Variants in PANK3 observed in about 807,000 individuals in gnomAD.
PANK3 encodes pantothenate kinase 3, also known as hPanK3.
Under a neutral mutation model 39.4 loss-of-function variants are expected in PANK3, and 20 were observed. The observed-to-expected ratio is 0.51, with a 90% CI of 0.36 to 0.74. The LOEUF is 0.74. Among genes scored for constraint, PANK3 ranks in the 30% least tolerant of loss-of-function variants. The pLI, the probability that PANK3 is intolerant of heterozygous loss-of-function variation, is 0.00. For synonymous variants in PANK3, 140 were observed against 157.3 expected, an observed-to-expected ratio of 0.89 and a Z score of 0.82; for missense variants, 265 against 437.0, an observed-to-expected ratio of 0.61 and a Z score of 3.51.
intron 2 of PANK3, among the ~76,000 whole-genome samples, chr5:168,566,795 G>A (rs1759542485): frequency 6.6e-6 from 1 of 152,204 alleles, no homozygotes; most frequent in Admixed American, 6.5e-5. Flanking sequence ...TCAGGCTGGA[G>A]TACAGTGGCA....
At chr5:168,557,820 TTTTA>T (rs986342916) in intron 6 of PANK3, among the ~76,000 whole-genome samples, 199 bp from the exon 7 acceptor site, 1 of 152,238 alleles carries the variant, frequency 6.6e-6, no homozygotes, top group Admixed American at 6.5e-5. Context: ...AAATATGTAT[TTTTA>T]TTTATTATTA....
chr5:168,567,752 T>C (rs1385237032), intron 2 of PANK3, among the ~76,000 whole-genome samples: 1 of 152,128 alleles, frequency 6.6e-6, no homozygotes, highest in East Asian at 1.9e-4. Flanking sequence ...CTTGAGTGGC[T>C]GGGACTACAA....
intron 4 of PANK3, among the ~76,000 whole-genome samples, chr5:168,562,069 A>G (rs1349214165): frequency 6.6e-6 from 1 of 152,218 alleles, no homozygotes; most frequent in Non-Finnish European, 1.5e-5. Flanking sequence ...TTAAGCCAAT[A>G]TATCCAAATA....
Position 168,553,349 on chromosome 5 carries a change from G to C in PANK3, c.*4222C>G. 1 of 508,174 alleles carries C rather than the reference G, an allele frequency of 2.0e-6. No homozygotes were observed. The highest frequency in any genetic ancestry group is 4.0e-6 in the Non-Finnish European group (1 of 252,858). The allele number at this position is 508,174 out of a possible 1,614,324, so 31.5% of individuals were successfully genotyped here. A position where few individuals can be genotyped will look rare whatever the true frequency, so the allele number is the denominator to read the frequency against. Reference sequence around the variant, plus strand: ...CCGCATTACAAGCCAGTAATCTAGTGGCCCAGGATCAGCATTTCAACCAAC... The same window carrying C: ...CCGCATTACAAGCCAGTAATCTAGTCGCCCAGGATCAGCATTTCAACCAAC... On this transcript the variant is annotated 3_prime_UTR_variant, in exon 7 of 7. Transcript: ENST00000239231.
In PANK3 at chr5:168,558,290, C is replaced by T. The variant is rs180893420; in HGVS notation, c.1063-669G>A. On this transcript the variant is annotated intron_variant, in intron 6 of 6. Transcript: ENST00000239231. ...ATTCTCCTGCCTCAGCCTCCCGAGT[C>T]GCTGGGATTACAGGCGCCCGCCACC... Among the ~76,000 whole-genome samples, 757 of 151,724 alleles carry T rather than the reference C, an allele frequency of 5.0e-3. 6 individuals are homozygous for T. Among genetic ancestry groups the T allele is most frequent in the African/African-American group, 0.017 (717 of 41,384 alleles).
intron 5 of PANK3, 26 bp downstream of exon 5, chr5:168,561,361 TAATTCA>T: frequency 1.3e-6 from 2 of 1,548,844 alleles, no homozygotes; most frequent in Non-Finnish European, 1.7e-6. Flanking sequence ...ACATTTTTGA[TAATTCA>T]AGTTTTGTGT....
rs1176705881 is a variant in PANK3, at chr5:168,548,717, G to A, written c.*8854C>T. ...GAATACGGGAATGTTTACAGAATGCGCCATGGCAAACATTTTTCAAATTTA... is the reference window on the plus strand; with the variant it reads ...GAATACGGGAATGTTTACAGAATGCACCATGGCAAACATTTTTCAAATTTA... On this transcript the variant is annotated 3_prime_UTR_variant, in exon 7 of 7. Transcript: ENST00000239231. 4 of 152,170 alleles carry A rather than the reference G, an allele frequency of 2.6e-5. No homozygotes were observed. Among genetic ancestry groups the A allele is most frequent in the East Asian group, 1.9e-4 (1 of 5,186 alleles). 9.4% of individuals were successfully genotyped at this position (152,170 alleles called of 1,614,324 possible).
intron 3 of PANK3, among the ~76,000 whole-genome samples, chr5:168,564,558 G>A (rs1023267475): frequency 1.3e-5 from 2 of 151,918 alleles, no homozygotes; most frequent in South Asian, 2.1e-4. Flanking sequence ...TCCAGCCTCC[G>A]CAGCAGCTAG....
In PANK3 at chr5:168,550,512, C is replaced by T. The variant is rs1759260182; in HGVS notation, c.*7059G>A. The T allele has an allele frequency of 6.6e-6, 1 of 152,088 alleles. No individual in the cohort carries two copies. Among genetic ancestry groups the T allele is most frequent in the Non-Finnish European group, 1.5e-5 (1 of 67,970 alleles). The allele number at this position is 152,088 out of a possible 1,614,324, so 9.4% of individuals were successfully genotyped here. ...GATAACCTTTACAGATTTAAAAGTA[C>T]AAACATTTTAATATACATATAAAAC... On this transcript the variant is annotated 3_prime_UTR_variant, in exon 7 of 7. Transcript: ENST00000239231.
At chr5:168,570,309 C>T (rs1258347291) in intron 1 of PANK3, among the ~76,000 whole-genome samples, 4 of 150,110 alleles carry the variant, frequency 2.7e-5, no homozygotes, top group East Asian at 4.0e-4. Context: ...GGCGTGAACC[C>T]GGGAGGTGGA....
intron 1 of PANK3, among the ~76,000 whole-genome samples, chr5:168,571,510 C>T (rs947514607): frequency 6.6e-6 from 1 of 152,130 alleles, no homozygotes; most frequent in Non-Finnish European, 1.5e-5. Flanking sequence ...TATTTCTATT[C>T]TCTAGGATCT....
intron 5 of PANK3, 96 bp downstream of exon 5, chr5:168,561,297 G>T: frequency 9.1e-7 from 1 of 1,094,632 alleles, no homozygotes; most frequent in Non-Finnish European, 1.3e-6. Context: ...AATCCCAGAG[G>T]CCTCCTTAGG....
intron 2 of PANK3, among the ~76,000 whole-genome samples, chr5:168,567,553 C>G (rs1200451094): frequency 3.9e-5 from 6 of 152,186 alleles, no homozygotes; most frequent in Non-Finnish European, 7.3e-5. Context: ...CAAGGCACCT[C>G]TTTTCATACA....
chr5:168,568,211 T>C (rs1366217472), intron 2 of PANK3, among the ~76,000 whole-genome samples: 5 of 152,206 alleles, frequency 3.3e-5, no homozygotes, highest in Admixed American at 2.6e-4. Flanking sequence ...GTGTCCATTA[T>C]ACTAACCAAA....
chr5:168,574,943 A>C (rs1328721994), intron 1 of PANK3, among the ~76,000 whole-genome samples: 1 of 152,208 alleles, frequency 6.6e-6, no homozygotes, highest in Non-Finnish European at 1.5e-5. Context: ...TCTAGCCAAG[A>C]GACCCTTGAA....
At chr5:168,566,362 T>C in intron 2 of PANK3, 96 bp from the exon 3 acceptor site, 1 of 1,308,782 alleles carries the variant, frequency 7.6e-7, no homozygotes, top group South Asian at 1.5e-5. Flanking sequence ...TTAAAAATGG[T>C]CTATGACCCC....
At position 168,549,707 on chromosome 5, in the gene PANK3, A is replaced by G. The variant is rs1759245970; in HGVS notation, c.*7864T>C. On this transcript the variant is annotated 3_prime_UTR_variant, in exon 7 of 7. Transcript: ENST00000239231. ...TACCCCAAACATATCATTCAGCACA[A>G]ACTGCGGTACCTGAAATCCCAGTAT... is the stretch of plus-strand genomic sequence containing the variant. The G allele has an allele frequency of 6.6e-6, 1 of 152,108 alleles. No homozygotes were observed. The highest frequency in any genetic ancestry group is 2.4e-5 in the African/African-American group (1 of 41,418). 9.4% of individuals were successfully genotyped at this position (152,108 alleles called of 1,614,324 possible). A position where few individuals can be genotyped will look rare whatever the true frequency, so the allele number is the denominator to read the frequency against.
At chr5:168,558,940 T>C in intron 6 of PANK3, 92 bp downstream of exon 6, 1 of 1,241,236 alleles carries the variant, frequency 8.1e-7, no homozygotes, top group Non-Finnish European at 1.1e-6. Flanking sequence ...GCCATCATTG[T>C]GCCACTAAAC....
chr5:168,565,392 C>T (rs1039685364), intron 3 of PANK3, among the ~76,000 whole-genome samples: 4 of 152,124 alleles, frequency 2.6e-5, no homozygotes, highest in Non-Finnish European at 4.4e-5. Context: ...AAAAAGAAAT[C>T]ACATTAATTC....
Sources: allele counts gnomAD v4.1 joint callset (sites outside exome capture counted in the v4.1 genomes callset), GRCh38; gene constraint gnomAD v4.1.1; transcripts MANE v1.5; gene names NCBI Gene and HGNC (gene_info 2026-07-23, HGNC 2026-07-21).